Variants in ZC4H2 observed in about 807,000 individuals in gnomAD.
ZC4H2 encodes the protein zinc finger C4H2-type containing.
For missense variants in ZC4H2, 137 were observed against 173.9 expected, an observed-to-expected ratio of 0.79 and a Z score of 1.19; for synonymous variants, 84 against 66.3, an observed-to-expected ratio of 1.27 and a Z score of -1.30.
chrX:64,919,702 A>C, intron 3 of ZC4H2: 1 of 157,445 alleles, frequency 6.4e-6, no homozygotes, highest in Non-Finnish European at 1.2e-5. Flanking sequence ...AGGAAAGCTC[A>C]GTCTTTTTTG....
Position 64,920,068 on chromosome X carries a change from G to A in ZC4H2, c.398+13C>T, listed in dbSNP as rs1929124837. ...GGAGGGTATGTTGTAGGGACTGGGG[G>A]CAGGTAGCTTACTCCAAGGAAAGCT... is the stretch of plus-strand genomic sequence containing the variant. On this transcript the variant is annotated intron_variant, in intron 3 of 4. Coordinates refer to ENST00000374839, the MANE Select transcript of ZC4H2 (RefSeq NM_018684.4). 2 of 1,204,524 alleles carry A rather than the reference G, an allele frequency of 1.7e-6. No homozygotes were observed. Among genetic ancestry groups the A allele is most frequent in the Admixed American group, 2.2e-5 (1 of 45,333 alleles).
At chrX:65,024,746 T>C (rs957621310) in intron 1 of ZC4H2, among the ~76,000 whole-genome samples, 3 of 111,860 alleles carry the variant, frequency 2.7e-5, no homozygotes, top group Admixed American at 9.5e-5. Context: ...TTTCGCAACA[T>C]GAATGGAGCT....
At chrX:64,984,378 G>A (rs1478435537) in intron 1 of ZC4H2, among the ~76,000 whole-genome samples, 2 of 111,907 alleles carry the variant, frequency 1.8e-5, no homozygotes, top group African/African-American at 3.3e-5. Flanking sequence ...ATCAGCCTCC[G>A]TAAAAATTTA....
At chrX:65,012,787 C>A (rs1932768349) in intron 1 of ZC4H2, among the ~76,000 whole-genome samples, 1 of 111,634 alleles carries the variant, frequency 9.0e-6, no homozygotes. Context: ...TCAATGATAG[C>A]AGGACTAACA....
intron 1 of ZC4H2, chrX:64,922,266 G>C: frequency 2.9e-5 from 6 of 206,239 alleles, no homozygotes; most frequent in East Asian, 1.0e-4. Context: ...AAAAGAAAAA[G>C]AAAAAAGAAA....
intron 1 of ZC4H2, among the ~76,000 whole-genome samples, chrX:64,951,393 T>A (rs1233478938): frequency 8.9e-6 from 1 of 111,745 alleles, no homozygotes; most frequent in Admixed American, 9.5e-5. Context: ...TCCACAACGG[T>A]TGAACTAGTT....
At chrX:65,026,915 T>C (rs964831730) in intron 1 of ZC4H2, among the ~76,000 whole-genome samples, 5 of 111,707 alleles carry the variant, frequency 4.5e-5, no homozygotes, top group African/African-American at 1.6e-4. Context: ...CCCCAGACCA[T>C]ATGGTAGAAA....
At chrX:64,935,604 G>A (rs934485115) in intron 1 of ZC4H2, among the ~76,000 whole-genome samples, 4 of 112,097 alleles carry the variant, frequency 3.6e-5, no homozygotes, top group African/African-American at 1.3e-4. Context: ...GTGCCCCTCT[G>A]GGAGAAAACT....
At chrX:64,943,076 C>G (rs1030460757) in intron 1 of ZC4H2, among the ~76,000 whole-genome samples, 11 of 111,716 alleles carry the variant, frequency 9.8e-5, no homozygotes, top group Non-Finnish European at 1.5e-4. Context: ...TCTCTAATGA[C>G]CAGTGATGAT....
chrX:64,923,554 T>C (rs1929297848), intron 1 of ZC4H2, among the ~76,000 whole-genome samples: 1 of 110,579 alleles, frequency 9.0e-6, no homozygotes, highest in Admixed American at 9.8e-5. Flanking sequence ...TTTCTTGACA[T>C]TGCCTGTGCC....
intron 1 of ZC4H2, among the ~76,000 whole-genome samples, chrX:65,028,125 T>C (rs1266623436): frequency 8.9e-6 from 1 of 111,774 alleles, no homozygotes; most frequent in African/African-American, 3.3e-5. Context: ...CCCTAATCTA[T>C]GTATATATAT....
intron 1 of ZC4H2, among the ~76,000 whole-genome samples, chrX:64,931,507 TAGC>T (rs1305740446): frequency 9.0e-6 from 1 of 111,731 alleles, no homozygotes; most frequent in Non-Finnish European, 1.9e-5. Context: ...ACTTTTGTCT[TAGC>T]ACCACTTTTG....
At chrX:64,982,989 T>G (rs1348344899) in intron 1 of ZC4H2, among the ~76,000 whole-genome samples, 1 of 110,978 alleles carries the variant, frequency 9.0e-6, no homozygotes, top group East Asian at 2.8e-4. Context: ...GGGAGAGGAG[T>G]GGGAAGGCAG....
At chrX:64,989,122 G>C (rs1400917965) in intron 1 of ZC4H2, among the ~76,000 whole-genome samples, 23 of 111,750 alleles carry the variant, frequency 2.1e-4, no homozygotes, top group East Asian at 5.6e-4. Flanking sequence ...GTTACTGTAG[G>C]CTTGTAGTAT....
intron 1 of ZC4H2, among the ~76,000 whole-genome samples, chrX:64,928,831 T>C (rs1006111372): frequency 8.8e-5 from 9 of 101,796 alleles, no homozygotes; most frequent in Admixed American, 2.2e-4. Flanking sequence ...CTTCTCTTCC[T>C]CCTCCTCCTT....
At chrX:65,002,292 C>T (rs1932553382) in intron 1 of ZC4H2, among the ~76,000 whole-genome samples, 1 of 111,935 alleles carries the variant, frequency 8.9e-6, no homozygotes, top group African/African-American at 3.2e-5. Flanking sequence ...GATTTAAAAA[C>T]TCACTCAAAA....
In ZC4H2 at chrX:64,954,362, A is replaced by ACAAT. The variant is rs1467214572; in HGVS notation, c.53+21962_53+21963insATTG. Among the ~76,000 whole-genome samples, 18 of 76,934 alleles carry ACAAT rather than the reference A, an allele frequency of 2.3e-4. 3 individuals are homozygous for ACAAT. Among genetic ancestry groups the ACAAT allele is most frequent in the African/African-American group, 1.5e-3 (18 of 12,232 alleles). 66.8% of individuals were successfully genotyped at this position (76,934 alleles called of 115,157 possible). ...TAATTATATATATATATAATTATAT[A>ACAAT]TATATATATAATTATATATATTTAT... is the stretch of plus-strand genomic sequence containing the variant. On this transcript the variant is annotated intron_variant, in intron 1 of 4. Transcript: ENST00000374839.
At position 65,018,633 on chromosome X, in the gene ZC4H2, G is replaced by A. The variant is rs1932813297; in HGVS notation, c.-272+15996C>T. On this transcript the variant is annotated intron_variant, in intron 1 of 4. Transcript: ENST00000337990. ...TTGGGCAGACACTGGGCTGGTTGCA[G>A]GAGCTTTTTTTTTTCATATCCCAGT... Among the ~76,000 whole-genome samples, 3 of 103,584 alleles carry A rather than the reference G, an allele frequency of 2.9e-5. No individual in the cohort carries two copies. In the South Asian group the frequency reaches 1.2e-3, roughly 40 times the overall value. 90.0% of individuals were successfully genotyped at this position (103,584 alleles called of 115,157 possible). A position where few individuals can be genotyped will look rare whatever the true frequency, so the allele number is the denominator to read the frequency against.
rs1052911642 is a variant in ZC4H2, at chrX:65,021,602, C to T, written c.-272+13027G>A. On this transcript the variant is annotated intron_variant, in intron 1 of 4. Transcript: ENST00000337990. ...AGATCTAAAATTGACACCCTAGCAT[C>T]GCAATGAAAAGAACTTGAGAAGCAA... 1.8e-5 allele frequency among the ~76,000 whole-genome samples: 2 copies of T among 110,787 alleles called. 1 individual carries two copies. The highest frequency in any genetic ancestry group is 6.7e-5 in the African/African-American group (2 of 29,841).
Sources: allele counts gnomAD v4.1 joint callset (sites outside exome capture counted in the v4.1 genomes callset), GRCh38; gene constraint gnomAD v4.1.1; transcripts MANE v1.5; gene names NCBI Gene and HGNC (gene_info 2026-07-23, HGNC 2026-07-21).